The following FARSB variants were observed in gnomAD, a reference collection of about 807,000 sequenced individuals.
The protein encoded by FARSB is phenylalanyl-tRNA synthetase subunit beta.
A neutral mutation model predicts 69.6 loss-of-function variants in FARSB; 40 were observed. That is an observed-to-expected ratio of 0.57 (90% CI 0.45 to 0.75). FARSB has a LOEUF of 0.75. Among genes scored for constraint, FARSB ranks in the 30% least tolerant of loss-of-function variants. FARSB has a pLI of 0.00. For synonymous variants in FARSB, 235 were observed against 247.2 expected (o/e 0.95, Z 0.46); for missense variants, 632 against 722.9 (o/e 0.87, Z 1.44).
intron 15 of FARSB, among the ~76,000 whole-genome samples, chr2:222,605,826 C>G (rs1049306700): frequency 6.6e-6 from 1 of 152,150 alleles, no homozygotes; most frequent in African/African-American, 2.4e-5. Context: ...AGTCCCAGCT[C>G]CTTGGGAGGC....
intron 1 of FARSB, among the ~76,000 whole-genome samples, chr2:222,650,528 G>C (rs1692007554): frequency 6.6e-6 from 1 of 152,198 alleles, no homozygotes; most frequent in African/African-American, 2.4e-5. Context: ...AATGATGGGA[G>C]GTAGGAATAG....
At chr2:222,655,907 C>T (rs1559221815) in intron 1 of FARSB, 109 bp downstream of exon 1, 5 of 911,932 alleles carry the variant, frequency 5.5e-6, no homozygotes, top group Non-Finnish European at 8.7e-6. Flanking sequence ...CCCGGCCTCC[C>T]GGAGCCAAAA....
intron 13 of FARSB, among the ~76,000 whole-genome samples, chr2:222,621,379 C>T (rs1319648828): frequency 2.0e-5 from 3 of 152,142 alleles, no homozygotes; most frequent in African/African-American, 7.2e-5. Context: ...ACCTCCACCA[C>T]ACCCGACTAA....
At chr2:222,575,875 C>T (rs1313397817) in intron 16 of FARSB, among the ~76,000 whole-genome samples, 1 of 152,112 alleles carries the variant, frequency 6.6e-6, no homozygotes, top group African/African-American at 2.4e-5. Flanking sequence ...AGCACAGCAC[C>T]CAGGCTTTAG....
chr2:222,654,742 A>G (rs1010361412), intron 1 of FARSB, among the ~76,000 whole-genome samples: 1 of 152,224 alleles, frequency 6.6e-6, no homozygotes, highest in Non-Finnish European at 1.5e-5. Flanking sequence ...CACTTAGGAA[A>G]GATTCTTAAA....
At position 222,656,079 on chromosome 2, in the gene FARSB, G is replaced by A. The variant is rs1463750681; in HGVS notation, c.-6C>T. ...TTCACGCTGACAGTCGGCATGGTGT[G>A]TCGAACTCACTGCGCCTGCGCAGCG... On this transcript the variant is annotated 5_prime_UTR_variant, in exon 1 of 17. Coordinates refer to ENST00000281828, the MANE Select transcript of FARSB (RefSeq NM_005687.5). 3 of 1,591,208 alleles carry A rather than the reference G, an allele frequency of 1.9e-6. No homozygotes were observed. Among genetic ancestry groups the A allele is most frequent in the Admixed American group, 1.8e-5 (1 of 55,568 alleles).
chr2:222,569,820 G>A lies in FARSB; in HGVS notation c.*2051C>T, dbSNP rs912641373. 1 of 152,180 alleles carries A rather than the reference G, an allele frequency of 6.6e-6. No individual in the cohort carries two copies. The allele number at this position is 152,180 out of a possible 1,614,324, so 9.4% of individuals were successfully genotyped here. On this transcript the variant is annotated 3_prime_UTR_variant, in exon 17 of 17. Transcript: ENST00000281828. ...GTTCATTCCTTCTTATTGCTGAGAA[G>A]TATTTCATAGTATGGATATACTGCA...
chr2:222,606,965 T>C (rs886408513), intron 15 of FARSB, among the ~76,000 whole-genome samples: 12 of 152,240 alleles, frequency 7.9e-5, no homozygotes, highest in African/African-American at 2.4e-4. Context: ...TTGAGGTTAA[T>C]AGTCTGGCCA....
At chr2:222,624,969 C>G (rs1275381601) in intron 10 of FARSB, among the ~76,000 whole-genome samples, 194 bp from the exon 11 acceptor site, 2 of 152,184 alleles carry the variant, frequency 1.3e-5, no homozygotes, top group Non-Finnish European at 1.5e-5. Flanking sequence ...CATATATGAA[C>G]ATTCTACTTG....
intron 15 of FARSB, among the ~76,000 whole-genome samples, chr2:222,602,189 T>C (rs1489491050): frequency 6.6e-6 from 1 of 152,016 alleles, no homozygotes; most frequent in Non-Finnish European, 1.5e-5. Context: ...GCCAAACTTA[T>C]GGGAACAGAG....
intron 1 of FARSB, among the ~76,000 whole-genome samples, chr2:222,650,217 G>A (rs997306797): frequency 2.0e-5 from 3 of 152,172 alleles, no homozygotes; most frequent in Non-Finnish European, 2.9e-5. Flanking sequence ...GAAACATAAA[G>A]TTCATATCAG....
chr2:222,572,101 T>A (rs192201095), intron 16 of FARSB, 79 bp from the exon 17 acceptor site: 2 of 1,188,686 alleles, frequency 1.7e-6, no homozygotes, highest in East Asian at 5.1e-5. Context: ...AAAAGCCCAC[T>A]AGTCTACTTT....
chr2:222,605,411 G>T (rs1690679935), intron 15 of FARSB, among the ~76,000 whole-genome samples: 1 of 152,098 alleles, frequency 6.6e-6, no homozygotes, highest in African/African-American at 2.4e-5. Context: ...GAGCCCAACA[G>T]TAATACTACC....
At chr2:222,576,265 C>CT (rs879550993) in intron 16 of FARSB, among the ~76,000 whole-genome samples, 41 of 147,886 alleles carry the variant, frequency 2.8e-4, no homozygotes, top group Admixed American at 8.8e-4. Context: ...TTTATTTTTC[C>CT]TTTTTTTTTT....
chr2:222,583,653 T>C (rs993394086), intron 16 of FARSB, among the ~76,000 whole-genome samples: 2 of 152,180 alleles, frequency 1.3e-5, no homozygotes, highest in African/African-American at 4.8e-5. Flanking sequence ...AGTGACTCTT[T>C]GCTATTGATA....
At position 222,571,749 on chromosome 2, in the gene FARSB, G is replaced by T; in HGVS notation, c.*122C>A. 1.2e-6 allele frequency: 1 copy of T among 823,658 alleles called. No individual in the cohort carries two copies. Among genetic ancestry groups the T allele is most frequent in the Non-Finnish European group, 1.9e-6 (1 of 529,646 alleles). 51.0% of individuals were successfully genotyped at this position (823,658 alleles called of 1,614,324 possible). ...TGGTCTCTACCCACACAGCCAGACA[G>T]TGCTTTCTACTTTATTAAACATCAA... On this transcript the variant is annotated 3_prime_UTR_variant, in exon 17 of 17. Coordinates refer to ENST00000281828, the MANE Select transcript of FARSB (RefSeq NM_005687.5).
intron 15 of FARSB, among the ~76,000 whole-genome samples, chr2:222,601,846 C>A (rs998269103): frequency 6.6e-6 from 1 of 151,982 alleles, no homozygotes; most frequent in Non-Finnish European, 1.5e-5. Flanking sequence ...TAATTTTTTG[C>A]AGAGACAAAG....
At chr2:222,587,814 T>G (rs760538380) in intron 16 of FARSB, among the ~76,000 whole-genome samples, 16 of 152,124 alleles carry the variant, frequency 1.1e-4, no homozygotes, top group African/African-American at 3.9e-4. Flanking sequence ...CCAGGAAGAA[T>G]TTGAATCCCT....
intron 15 of FARSB, 62 bp from the exon 16 acceptor site, chr2:222,600,145 C>T: frequency 7.4e-7 from 1 of 1,347,326 alleles, no homozygotes; most frequent in Admixed American, 2.7e-5. Flanking sequence ...AACTGATTTA[C>T]CCCAGTACAA....
Sources: gnomAD v4.1 joint callset for allele counts (sites outside exome capture counted in the v4.1 genomes callset) on GRCh38, gnomAD v4.1.1 for gene constraint, MANE v1.5 for transcripts, NCBI Gene and HGNC (gene_info 2026-07-23, HGNC 2026-07-21) for gene names.